ABTB3: variants seen among roughly 807,000 people sequenced by gnomAD.
ABTB3 encodes ankyrin repeat- and BTB/POZ domain-containing protein 3.
At chr12:107,612,679 A>G in the ABTB3 span, 2 of 1,144,432 alleles carry the variant, frequency 1.7e-6, no homozygotes, top group African/African-American at 1.5e-5. Flanking sequence ...GAGCACAAGC[A>G]TGGCCTCCGA....
At chr12:107,469,992 C>CT in the ABTB3 span, among the ~76,000 whole-genome samples, 19 of 96,538 alleles carry the variant, frequency 2.0e-4, 1 homozygote, top group Admixed American at 3.1e-4. Flanking sequence ...TTCTTTCTTT[C>CT]TTTCTTTCTT....
chr12:107,581,236 C>T, the ABTB3 span: 1 of 1,530,148 alleles, frequency 6.5e-7, no homozygotes. Flanking sequence ...TCTCCATGGA[C>T]AGCGACGACG....
the ABTB3 span, among the ~76,000 whole-genome samples, chr12:107,587,588 A>G: frequency 6.6e-6 from 1 of 152,214 alleles, no homozygotes; most frequent in Non-Finnish European, 1.5e-5. Context: ...AACAGTGTGA[A>G]TATACTTAAT....
the ABTB3 span, among the ~76,000 whole-genome samples, chr12:107,460,116 C>T: frequency 1.3e-5 from 2 of 152,336 alleles, no homozygotes; most frequent in East Asian, 1.9e-4. Flanking sequence ...ACCAAGCCAC[C>T]TGTTTTCTGT....
chr12:107,654,834 A>ACACACACACATG, the ABTB3 span, among the ~76,000 whole-genome samples: 1 of 148,578 alleles, frequency 6.7e-6, no homozygotes, highest in African/African-American at 2.6e-5. Context: ...ACACACACAC[A>ACACACACACATG]CACACACACA....
chr12:107,377,192 A>T, the ABTB3 span, among the ~76,000 whole-genome samples: 4 of 152,110 alleles, frequency 2.6e-5, no homozygotes, highest in Non-Finnish European at 5.9e-5. Context: ...CCAGGGACTG[A>T]TTGATGTAGG....
At chr12:107,399,791 A>C in the ABTB3 span, among the ~76,000 whole-genome samples, 2 of 152,132 alleles carry the variant, frequency 1.3e-5, no homozygotes, top group Non-Finnish European at 2.9e-5. Flanking sequence ...TCTAGGTTTT[A>C]AGCCCCACAT....
At chr12:107,478,861 C>A in the ABTB3 span, among the ~76,000 whole-genome samples, 1 of 151,998 alleles carries the variant, frequency 6.6e-6, no homozygotes. Context: ...GCCCTCAGTC[C>A]CCATTAGCTT....
At chr12:107,495,536 G>C in the ABTB3 span, among the ~76,000 whole-genome samples, 1 of 152,184 alleles carries the variant, frequency 6.6e-6, no homozygotes, top group Non-Finnish European at 1.5e-5. Flanking sequence ...CATCCCTAAC[G>C]GGGGCCAGAA....
At chr12:107,564,595 C>G in the ABTB3 span, among the ~76,000 whole-genome samples, 1 of 152,218 alleles carries the variant, frequency 6.6e-6, no homozygotes, top group South Asian at 2.1e-4. Flanking sequence ...ACCCAAAGCT[C>G]TCTAGCTCCA....
chr12:107,526,231 C>G, the ABTB3 span, among the ~76,000 whole-genome samples: 1 of 152,236 alleles, frequency 6.6e-6, no homozygotes, highest in South Asian at 2.1e-4. Flanking sequence ...GAACCTATGC[C>G]GGTTCTAAAA....
the ABTB3 span, among the ~76,000 whole-genome samples, chr12:107,507,546 A>T: frequency 1.3e-5 from 2 of 152,134 alleles, no homozygotes; most frequent in Non-Finnish European, 2.9e-5. Context: ...TTCCTAAGGA[A>T]TTCAGCTGCC....
the ABTB3 span, among the ~76,000 whole-genome samples, chr12:107,487,418 G>C: frequency 6.6e-6 from 1 of 152,144 alleles, no homozygotes; most frequent in African/African-American, 2.4e-5. Context: ...GAGACACAAG[G>C]TCTCTGTCTG....
the ABTB3 span, among the ~76,000 whole-genome samples, chr12:107,534,139 T>A: frequency 1.3e-5 from 2 of 151,810 alleles, no homozygotes; most frequent in African/African-American, 4.8e-5. Flanking sequence ...TTTGAGGCTA[T>A]AGTGTTCTAT....
the ABTB3 span, chr12:107,642,236 T>C: frequency 1.4e-6 from 2 of 1,472,934 alleles, no homozygotes; most frequent in Non-Finnish European, 1.9e-6. Context: ...TTGCCTCAGA[T>C]CCTCAGCCTG....
At chr12:107,549,486 A>G in the ABTB3 span, among the ~76,000 whole-genome samples, 3 of 152,244 alleles carry the variant, frequency 2.0e-5, no homozygotes, top group African/African-American at 7.2e-5. Flanking sequence ...GTAAATCAGA[A>G]TGCAAGTGAG....
the ABTB3 span, chr12:107,520,627 G>A: frequency 8.7e-6 from 14 of 1,614,128 alleles, no homozygotes; most frequent in Middle Eastern, 3.3e-4. Context: ...AGGCAGCATC[G>A]CCGAATTGAG....
the ABTB3 span, among the ~76,000 whole-genome samples, chr12:107,646,122 T>TG: frequency 2.0e-5 from 3 of 152,300 alleles, no homozygotes; most frequent in East Asian, 1.9e-4. Context: ...CACCTGGAAG[T>TG]GGGGGCCTCC....
At chr12:107,638,544 G>A in the ABTB3 span, among the ~76,000 whole-genome samples, 1 of 152,128 alleles carries the variant, frequency 6.6e-6, no homozygotes, top group Non-Finnish European at 1.5e-5. Flanking sequence ...AACAACAAAG[G>A]GGCCTCCAGG....
Sources: gnomAD v4.1 joint callset for allele counts (sites outside exome capture counted in the v4.1 genomes callset) on GRCh38, gnomAD v4.1.1 for gene constraint, MANE v1.5 for transcripts, NCBI Gene and HGNC (gene_info 2026-07-23, HGNC 2026-07-21) for gene names.